Variants in LRRK2 observed in about 807,000 individuals in gnomAD.
LRRK2 encodes leucine rich repeat kinase 2.
Under a neutral mutation model 302.6 loss-of-function variants are expected in LRRK2, and 203 were observed. The ratio of observed to expected loss-of-function variants is 0.67; its 90% CI spans 0.60 to 0.75. The LOEUF (loss-of-function observed/expected upper bound fraction) is 0.75. Among genes scored for constraint, LRRK2 ranks in the 30% least tolerant of loss-of-function variants. LRRK2 has a pLI of 0.00. For synonymous variants in LRRK2, 1,066 were observed against 1,031.9 expected, an observed-to-expected ratio of 1.03 and a Z score of -0.63; for missense variants, 2,830 against 2,951.0, an observed-to-expected ratio of 0.96 and a Z score of 0.95.
rs1419107062 is a variant in LRRK2, at chr12:40,278,081, C to A, written c.2071-10C>A. On this transcript the variant is annotated splice_polypyrimidine_tract_variant and intron_variant, in intron 17 of 50. Coordinates refer to ENST00000298910, the MANE Select transcript of LRRK2 (RefSeq NM_198578.4). ...TATCTGACTCTAATTCTCATTTCCA[C>A]TCTTTTTAGTTTCTAAACCTCTGTT... 2 of 1,613,974 alleles carry A rather than the reference C, an allele frequency of 1.2e-6. No individual in the cohort carries two copies. Among genetic ancestry groups the A allele is most frequent in the Admixed American group, 3.3e-5 (2 of 60,016 alleles).
Position 40,277,900 on chromosome 12 carries a change from A to G in LRRK2, c.1954A>G (p.Ile652Val), listed in dbSNP as rs1444918969. Residue 652 changes from isoleucine (I) to valine (V), a missense_variant, in exon 17 of 51, where the codon ATC becomes GTC. Transcript: ENST00000298910. ...AEIQTKGFQT[I>V]LAILKLSASF... Reference sequence around the variant, plus strand: ...CTTATACTTTTAGGGATTTCAGACAATCTTAGCAATCCTCAAATTGTCAGC... The same window carrying G: ...CTTATACTTTTAGGGATTTCAGACAGTCTTAGCAATCCTCAAATTGTCAGC... 1.2e-6 allele frequency: 2 copies of G among 1,609,048 alleles called. No individual in the cohort carries two copies. Among genetic ancestry groups the G allele is most frequent in the Non-Finnish European group, 1.7e-6 (2 of 1,178,724 alleles).
intron 11 of LRRK2, among the ~76,000 whole-genome samples, chr12:40,256,128 T>C (rs1942489653): frequency 6.6e-6 from 1 of 152,152 alleles, no homozygotes; most frequent in South Asian, 2.1e-4. Flanking sequence ...AGTAGGTTTA[T>C]GTTTAGTGAA....
intron 27 of LRRK2, chr12:40,304,371 T>C: frequency 1.7e-6 from 1 of 577,418 alleles, no homozygotes; most frequent in Non-Finnish European, 3.0e-6. Flanking sequence ...TTTAAAAAAA[T>C]CTACTTTTAA....
At chr12:40,268,683 C>T (rs929034517) in intron 14 of LRRK2, among the ~76,000 whole-genome samples, 7 of 151,834 alleles carry the variant, frequency 4.6e-5, no homozygotes, top group African/African-American at 1.7e-4. Context: ...TATGAGTAAT[C>T]AGGAGAATTT....
At chr12:40,297,131 A>G (rs778087267) in intron 23 of LRRK2, among the ~76,000 whole-genome samples, 25 of 152,230 alleles carry the variant, frequency 1.6e-4, no homozygotes, top group Non-Finnish European at 3.2e-4. Flanking sequence ...GAGATCTGAC[A>G]TATGGTAGAA....
At chr12:40,296,502 T>A (rs889377973) in intron 23 of LRRK2, among the ~76,000 whole-genome samples, 2 of 151,660 alleles carry the variant, frequency 1.3e-5, no homozygotes, top group African/African-American at 4.8e-5. Flanking sequence ...TGTGGTGGGG[T>A]GCACCTGTGG....
chr12:40,243,292 T>A (rs1007620265), intron 6 of LRRK2, among the ~76,000 whole-genome samples: 7 of 152,166 alleles, frequency 4.6e-5, no homozygotes, highest in Non-Finnish European at 8.8e-5. Flanking sequence ...TTTTCCTTTT[T>A]TTGATCTTAA....
chr12:40,314,109 A>G lies in LRRK2; in HGVS notation c.4674A>G (p.Arg1558=), dbSNP rs765747592. ...GGAAACGATTATTACAACTAGTGAG[A>G]GAAAATCAGCTGCAGTTAGATGAAA... ...IDRKRLLQLV[R]ENQLQLDENE... Residue 1558 remains arginine, a synonymous_variant, in exon 32 of 51, where the codon AGA becomes AGG. Coordinates refer to ENST00000298910, the MANE Select transcript of LRRK2 (RefSeq NM_198578.4). 3.1e-6 allele frequency: 5 copies of G among 1,612,788 alleles called. No homozygotes were observed. In the East Asian group the frequency reaches 1.1e-4, roughly 36 times the overall value.
Position 40,243,531 on chromosome 12 carries a change from A to AT in LRRK2, c.707-18dup. 1 of 1,609,584 alleles carries AT rather than the reference A, an allele frequency of 6.2e-7. No individual in the cohort carries two copies. Among genetic ancestry groups the AT allele is most frequent in the Non-Finnish European group, 8.5e-7 (1 of 1,176,926 alleles). ...GAACATGGTTACCTTATTGATAATTATGATCTCTTTAAATTCAGGCAATAA... is the reference window on the plus strand; with the variant it reads ...GAACATGGTTACCTTATTGATAATTATTGATCTCTTTAAATTCAGGCAATAA... On this transcript the variant is annotated intron_variant, in intron 6 of 50. Coordinates refer to ENST00000298910, the MANE Select transcript of LRRK2 (RefSeq NM_198578.4).
chr12:40,231,709 G>A lies in LRRK2; in HGVS notation c.238-565G>A, dbSNP rs748810585. Among the ~76,000 whole-genome samples, 15 of 146,458 alleles carry A rather than the reference G, an allele frequency of 1.0e-4. No individual in the cohort carries two copies. In the East Asian group the frequency reaches 1.2e-3, roughly 11 times the overall value. On this transcript the variant is annotated intron_variant, in intron 2 of 50. Transcript: ENST00000298910. The stretch of plus-strand genomic sequence containing the variant: ...TTATTTTGCCTTATTTAGACAATTG[G>A]CATGTCTATGTTCTTCATAATTTAG...
At chr12:40,309,080 A>C in intron 29 of LRRK2, 26 bp from the exon 30 acceptor site, 1 of 1,611,928 alleles carries the variant, frequency 6.2e-7, no homozygotes, top group African/African-American at 1.3e-5. Context: ...AAAGATTAAA[A>C]AAATTTGTCT....
rs202079711 is a variant in LRRK2 at position 40,251,227 on chromosome 12, T to C, written c.959-5T>C. 1.8e-5 allele frequency: 28 copies of C among 1,547,218 alleles called. No homozygotes were observed. In the Middle Eastern group the frequency reaches 5.0e-4, roughly 28 times the overall value. ...GTTTTTATATATTTTTCAATTTTTT[T>C]CAAGCTGAGACTATTTTCTTAAATC... On this transcript the variant is annotated splice_polypyrimidine_tract_variant and splice_region_variant and intron_variant, in intron 8 of 50. Transcript: ENST00000298910.
intron 14 of LRRK2, among the ~76,000 whole-genome samples, chr12:40,266,610 T>C (rs965481745): frequency 3.9e-5 from 6 of 152,120 alleles, no homozygotes; most frequent in Admixed American, 3.9e-4. Context: ...CTCAGGGATC[T>C]AGAACTAGAA....
chr12:40,319,142 A>G (rs1592282015), intron 33 of LRRK2, among the ~76,000 whole-genome samples: 1 of 152,116 alleles, frequency 6.6e-6, no homozygotes, highest in South Asian at 2.1e-4. Flanking sequence ...GAATTTGACA[A>G]AGCAAAATAA....
At chr12:40,324,813 T>A (rs1321404878) in intron 38 of LRRK2, among the ~76,000 whole-genome samples, 4 of 152,254 alleles carry the variant, frequency 2.6e-5, no homozygotes, top group Admixed American at 2.0e-4. Flanking sequence ...TGCTGAATCC[T>A]ACATCTTAAC....
At position 40,261,443 on chromosome 12, in the gene LRRK2, G is replaced by A. The variant is rs11564121; in HGVS notation, c.1543+1839G>A. Reference sequence around the variant, plus strand: ...TAACAATCAATCAGATGTATTATGGGTGCCCTTGAAAATAATCACTTGAGG... The same window carrying A: ...TAACAATCAATCAGATGTATTATGGATGCCCTTGAAAATAATCACTTGAGG... On this transcript the variant is annotated intron_variant, in intron 13 of 50. Coordinates refer to ENST00000298910, the MANE Select transcript of LRRK2 (RefSeq NM_198578.4). Among the ~76,000 whole-genome samples the A allele has an allele frequency of 2.0e-3, 309 of 152,126 alleles. 9 individuals are homozygous for A. In the East Asian group the frequency reaches 0.056, roughly 28 times the overall value.
chr12:40,241,113 A>G (rs13328957), intron 6 of LRRK2, among the ~76,000 whole-genome samples: 3,448 of 152,334 alleles, frequency 0.023, 135 homozygotes, highest in African/African-American at 0.079. Context: ...CAAGAAGACA[A>G]AAGTAGCTCA....
intron 44 of LRRK2, 113 bp downstream of exon 44, chr12:40,351,846 T>A: frequency 9.0e-7 from 1 of 1,105,466 alleles, no homozygotes; most frequent in Non-Finnish European, 1.3e-6. Context: ...CAATTAGCCT[T>A]CTGTTAGAAC....
chr12:40,315,770 A>G (rs1406437851), intron 33 of LRRK2, among the ~76,000 whole-genome samples: 3 of 150,912 alleles, frequency 2.0e-5, no homozygotes, highest in African/African-American at 7.3e-5. Flanking sequence ...GGCCTTGGTT[A>G]TAGCTATTTT....
Sources: allele counts gnomAD v4.1 joint callset (sites outside exome capture counted in the v4.1 genomes callset), GRCh38; gene constraint gnomAD v4.1.1; transcripts MANE v1.5; gene names NCBI Gene and HGNC (gene_info 2026-07-23, HGNC 2026-07-21).